Variants in CCDC91 observed in about 807,000 individuals in gnomAD.
The protein encoded by CCDC91 is coiled-coil domain-containing protein 91.
CCDC91 carries 48 observed loss-of-function variants against 63.2 expected under a neutral mutation model. The observed-to-expected ratio is 0.76, with a 90% CI of 0.60 to 0.97. CCDC91 has a LOEUF of 0.97. Among genes scored for constraint, CCDC91 ranks in the 50% least tolerant of loss-of-function variants. The pLI is 0.00. For missense variants in CCDC91, 500 were observed against 494.6 expected (o/e 1.01, Z -0.10); for synonymous variants, 167 against 165.8 (o/e 1.01, Z -0.06).
rs1555202386 is a variant in CCDC91 at position 28,394,465 on chromosome 12, A to AAAAAC, written c.762+3057_762+3058insACAAA. The stretch of plus-strand genomic sequence containing the variant: ...TGGGCGACAGAGAGTCTGTCTCAAA[A>AAAAAC]AAACAAACAAACAAAAAAAAAACAA... On this transcript the variant is annotated intron_variant, in intron 8 of 12. Coordinates refer to ENST00000536442, the MANE Select transcript of CCDC91 (RefSeq NM_018318.5). Among the ~76,000 whole-genome samples the AAAAAC allele has an allele frequency of 8.0e-3, 1,215 of 151,826 alleles. 14 individuals carry two copies. The highest frequency in any genetic ancestry group is 0.028 in the African/African-American group (1,171 of 41,248).
At chr12:28,290,740 T>C (rs147642215) in intron 3 of CCDC91, among the ~76,000 whole-genome samples, 16 of 152,308 alleles carry the variant, frequency 1.1e-4, no homozygotes, top group African/African-American at 3.8e-4. Flanking sequence ...TATCACTTTT[T>C]AAGGAGTTAA....
chr12:28,274,121 T>C (rs964896215), intron 3 of CCDC91, among the ~76,000 whole-genome samples: 1 of 152,224 alleles, frequency 6.6e-6, no homozygotes, highest in African/African-American at 2.4e-5. Context: ...TTCTTGTTTT[T>C]CTCAGGTTTG....
intron 8 of CCDC91, among the ~76,000 whole-genome samples, chr12:28,422,847 G>A (rs1012453937): frequency 3.3e-5 from 5 of 152,012 alleles, no homozygotes; most frequent in African/African-American, 7.2e-5. Context: ...GGAAAGAATC[G>A]TCCTACTCAT....
intron 6 of CCDC91, among the ~76,000 whole-genome samples, chr12:28,345,641 A>G (rs889293987): frequency 4.6e-5 from 7 of 152,104 alleles, no homozygotes; most frequent in Non-Finnish European, 1.0e-4. Context: ...TTTTAATGAA[A>G]AACACTATTC....
At chr12:28,228,662 C>G (rs971565507) in intron 1 of CCDC91, among the ~76,000 whole-genome samples, 16 of 152,030 alleles carry the variant, frequency 1.1e-4, no homozygotes, top group African/African-American at 3.9e-4. Flanking sequence ...TGTCTGTTCT[C>G]TGGACCCATA....
chr12:28,383,836 A>G (rs1945439645), intron 7 of CCDC91, among the ~76,000 whole-genome samples: 1 of 152,158 alleles, frequency 6.6e-6, no homozygotes, highest in Non-Finnish European at 1.5e-5. Context: ...CTCCTCTAAT[A>G]CAACCATGTA....
intron 7 of CCDC91, among the ~76,000 whole-genome samples, chr12:28,373,503 GTTAT>G (rs1944751596): frequency 6.6e-6 from 1 of 152,000 alleles, no homozygotes; most frequent in Admixed American, 6.6e-5. Flanking sequence ...ATTTTTGTTT[GTTAT>G]TTATCCTTTC....
At chr12:28,193,919 G>GT (rs1368845159) in intron 1 of CCDC91, among the ~76,000 whole-genome samples, 1 of 152,158 alleles carries the variant, frequency 6.6e-6, no homozygotes, top group African/African-American at 2.4e-5. Context: ...GTTTGCAAGT[G>GT]TTTTATACAG....
intron 12 of CCDC91, among the ~76,000 whole-genome samples, chr12:28,523,888 C>T (rs543635029): frequency 2.9e-4 from 44 of 152,212 alleles, no homozygotes; most frequent in African/African-American, 9.9e-4. Context: ...TCTTTAAAAA[C>T]GTTGAATATT....
intron 3 of CCDC91, among the ~76,000 whole-genome samples, chr12:28,303,873 A>G (rs904634424): frequency 2.0e-5 from 3 of 152,014 alleles, no homozygotes; most frequent in African/African-American, 4.8e-5. Flanking sequence ...CCACTGTACT[A>G]GTTATTTTCA....
At chr12:28,315,825 T>C (rs1939803755) in intron 6 of CCDC91, among the ~76,000 whole-genome samples, 1 of 151,826 alleles carries the variant, frequency 6.6e-6, no homozygotes, top group African/African-American at 2.4e-5. Flanking sequence ...TTTTAATCCT[T>C]GTAGAATATT....
rs1055328766 is a variant in CCDC91 at position 28,379,687 on chromosome 12, C to G, written c.655-11617C>G. On this transcript the variant is annotated intron_variant, in intron 7 of 12. Transcript: ENST00000536442. ...TGGAGAGGATGTGGAGAAATAGGAA[C>G]ACTTTTACACTGTTGGTGGGAGTGT... 2.0e-5 allele frequency among the ~76,000 whole-genome samples: 3 copies of G among 152,096 alleles called. No individual in the cohort carries two copies. The East Asian group carries it at 5.8e-4, about 29-fold the overall frequency.
intron 12 of CCDC91, among the ~76,000 whole-genome samples, chr12:28,504,952 A>T (rs12317472): frequency 6.6e-6 from 1 of 151,962 alleles, no homozygotes; most frequent in African/African-American, 2.4e-5. Context: ...GCACTTACAG[A>T]AAAACCTAAA....
intron 11 of CCDC91, among the ~76,000 whole-genome samples, chr12:28,465,614 G>A (rs774571381): frequency 6.6e-6 from 1 of 152,168 alleles, no homozygotes; most frequent in Non-Finnish European, 1.5e-5. Flanking sequence ...ACAGCATTCA[G>A]TAAGGGTCTC....
intron 11 of CCDC91, among the ~76,000 whole-genome samples, chr12:28,465,312 G>C (rs1490830986): frequency 6.6e-6 from 1 of 152,142 alleles, no homozygotes; most frequent in African/African-American, 2.4e-5. Context: ...GAAGGACATA[G>C]GCTTGGCCTG....
chr12:28,481,083 A>G (rs1358567321), intron 11 of CCDC91, among the ~76,000 whole-genome samples: 2 of 152,038 alleles, frequency 1.3e-5, no homozygotes, highest in Non-Finnish European at 2.9e-5. Context: ...TATTTTTAAA[A>G]AATAGTGTAT....
At chr12:28,389,110 C>T (rs1945783721) in intron 7 of CCDC91, among the ~76,000 whole-genome samples, 1 of 152,136 alleles carries the variant, frequency 6.6e-6, no homozygotes, top group Non-Finnish European at 1.5e-5. Flanking sequence ...ATTCAAAGGA[C>T]TAATATCCGG....
intron 6 of CCDC91, among the ~76,000 whole-genome samples, chr12:28,361,412 A>G (rs1426034123): frequency 6.6e-6 from 1 of 151,796 alleles, no homozygotes; most frequent in Non-Finnish European, 1.5e-5. Flanking sequence ...GTTCCCACCT[A>G]TGAGTGAGAA....
chr12:28,549,600 G>A lies in CCDC91; in HGVS notation c.*427G>A, dbSNP rs1943206766. 1 of 152,348 alleles carries A rather than the reference G, an allele frequency of 6.6e-6. No homozygotes were observed. Among genetic ancestry groups the A allele is most frequent in the Admixed American group, 6.5e-5 (1 of 15,268 alleles). The allele number at this position is 152,348 out of a possible 1,614,324, so 9.4% of individuals were successfully genotyped here. On this transcript the variant is annotated 3_prime_UTR_variant, in exon 13 of 13. Transcript: ENST00000536442. ...CTTATTTTGAGGATAGAAATAGCAT[G>A]GATTTCAACATCACTTATTTATCTG...
Sources: gnomAD v4.1 joint callset for allele counts (sites outside exome capture counted in the v4.1 genomes callset) on GRCh38, gnomAD v4.1.1 for gene constraint, MANE v1.5 for transcripts, NCBI Gene and HGNC (gene_info 2026-07-23, HGNC 2026-07-21) for gene names.